The following ECPAS variants were observed in gnomAD, a reference collection of about 807,000 sequenced individuals.
ECPAS encodes the protein Ecm29 proteasome adaptor and scaffold.
Under a neutral mutation model 255.1 loss-of-function variants are expected in ECPAS, and 70 were observed. The observed-to-expected ratio is 0.27, with a 90% CI of 0.23 to 0.33. The LOEUF is 0.33. ECPAS is among the 10% of genes least tolerant of loss of function. The probability of loss-of-function intolerance (pLI) is 1.00; values close to 1 mark genes in which losing one functional copy is unlikely to be tolerated. For missense variants in ECPAS, 1,817 were observed against 2,206.4 expected (o/e 0.82, Z 3.54); for synonymous variants, 784 against 775.0 (o/e 1.01, Z -0.19).
chr9:111,478,252 G>C (rs892449355), intron 1 of ECPAS, among the ~76,000 whole-genome samples: 2 of 151,412 alleles, frequency 1.3e-5, no homozygotes, highest in Non-Finnish European at 2.9e-5. Flanking sequence ...AAATAGGCCG[G>C]ACACAGTGGC....
intron 6 of ECPAS, among the ~76,000 whole-genome samples, chr9:111,438,836 G>T (rs2098241826): frequency 6.6e-6 from 1 of 152,192 alleles, no homozygotes; most frequent in South Asian, 2.1e-4. Flanking sequence ...GGCAGGAGGA[G>T]AACAAATTTG....
At chr9:111,393,532 G>T in intron 27 of ECPAS, 148 bp downstream of exon 27, 2 of 601,936 alleles carry the variant, frequency 3.3e-6, no homozygotes, top group Non-Finnish European at 2.9e-6. Context: ...TTAACATAAT[G>T]CTTATCCTTA....
chr9:111,381,047 A>T (rs2098139955), intron 35 of ECPAS, among the ~76,000 whole-genome samples: 1 of 152,234 alleles, frequency 6.6e-6, no homozygotes, highest in African/African-American at 2.4e-5. Flanking sequence ...TAGCACTTTA[A>T]ACTTCGTTTA....
intron 2 of ECPAS, among the ~76,000 whole-genome samples, chr9:111,467,708 C>T (rs1237251611): frequency 1.3e-5 from 2 of 152,062 alleles, no homozygotes; most frequent in Non-Finnish European, 2.9e-5. Context: ...CTATAATAGA[C>T]GATTTCAGAA....
chr9:111,384,928 G>A (rs2098145792), intron 33 of ECPAS, among the ~76,000 whole-genome samples: 1 of 152,148 alleles, frequency 6.6e-6, no homozygotes, highest in South Asian at 2.1e-4. Context: ...TAAAACTGAA[G>A]TGCCTAATTT....
At position 111,366,703 on chromosome 9, in the gene ECPAS, G is replaced by T. The variant is rs575963646; in HGVS notation, c.5114-76C>A. 17 of 882,396 alleles carry T rather than the reference G, an allele frequency of 1.9e-5. No individual in the cohort carries two copies. In the South Asian group the frequency reaches 2.1e-4, roughly 11 times the overall value. 54.7% of individuals were successfully genotyped at this position (882,396 alleles called of 1,614,324 possible). A position where few individuals can be genotyped will look rare whatever the true frequency, so the allele number is the denominator to read the frequency against. ...AAGAGATGGAATAAATGAGGGACAG[G>T]CAGAGAGAGCAAGAGAAAGGAAGAG... On this transcript the variant is annotated intron_variant, in intron 46 of 49. Coordinates refer to ENST00000684092, the MANE Select transcript of ECPAS (RefSeq NM_001364929.1).
intron 2 of ECPAS, among the ~76,000 whole-genome samples, chr9:111,455,055 A>C (rs1201624894): frequency 6.6e-6 from 1 of 152,122 alleles, no homozygotes; most frequent in African/African-American, 2.4e-5. Context: ...GAGTATAGTT[A>C]AACTTACCAT....
At chr9:111,480,241 T>TTTGGATAATTC (rs2098302516) in intron 1 of ECPAS, among the ~76,000 whole-genome samples, 1 of 151,674 alleles carries the variant, frequency 6.6e-6, no homozygotes, top group Non-Finnish European at 1.5e-5. Context: ...ATAGAAAATA[T>TTTGGATAATTC]TTGGATAATT....
chr9:111,427,517 T>C (rs1318135452), intron 10 of ECPAS, among the ~76,000 whole-genome samples: 3 of 152,230 alleles, frequency 2.0e-5, no homozygotes, highest in Non-Finnish European at 4.4e-5. Flanking sequence ...TAAGTGTTCC[T>C]TACTGGAAAT....
intron 36 of ECPAS, among the ~76,000 whole-genome samples, chr9:111,378,257 A>G (rs915352834): frequency 6.6e-6 from 1 of 152,198 alleles, no homozygotes; most frequent in Non-Finnish European, 1.5e-5. Flanking sequence ...TCTAGGTGCA[A>G]ATACTCTTTG....
chr9:111,394,783 C>T (rs2098165253), intron 25 of ECPAS, among the ~76,000 whole-genome samples: 1 of 152,202 alleles, frequency 6.6e-6, no homozygotes, highest in African/African-American at 2.4e-5. Flanking sequence ...CCTGTGCCTT[C>T]ACCCACTAGA....
intron 7 of ECPAS, among the ~76,000 whole-genome samples, chr9:111,435,846 A>ATTTT (rs201323788): frequency 5.5e-5 from 7 of 127,528 alleles, no homozygotes; most frequent in African/African-American, 2.0e-4. Context: ...CGCCCAGCTA[A>ATTTT]TTTTTTTTTT....
At chr9:111,449,731 T>G (rs965220800) in intron 3 of ECPAS, among the ~76,000 whole-genome samples, 1 of 152,156 alleles carries the variant, frequency 6.6e-6, no homozygotes, top group African/African-American at 2.4e-5. Flanking sequence ...CTACTCCAAG[T>G]CTTTCTCCAG....
At chr9:111,435,573 T>C (rs2098236767) in intron 7 of ECPAS, among the ~76,000 whole-genome samples, 1 of 152,180 alleles carries the variant, frequency 6.6e-6, no homozygotes, top group African/African-American at 2.4e-5. Context: ...ACAATTTCTA[T>C]ACCTTACTGG....
intron 31 of ECPAS, among the ~76,000 whole-genome samples, chr9:111,389,236 G>A (rs981333101): frequency 1.3e-5 from 2 of 152,128 alleles, no homozygotes; most frequent in African/African-American, 4.8e-5. Context: ...ATTGGAGATG[G>A]GACTATGACC....
rs777920348 is a variant in ECPAS, at chr9:111,376,544, AAAG to A, written c.3955-6_3955-4del. The A allele has an allele frequency of 6.4e-5, 102 of 1,590,716 alleles. No homozygotes were observed. The highest frequency in any genetic ancestry group is 8.1e-5 in the Non-Finnish European group (95 of 1,167,804). On this transcript the variant is annotated splice_region_variant and splice_polypyrimidine_tract_variant and intron_variant, in intron 36 of 49. Coordinates refer to ENST00000684092, the MANE Select transcript of ECPAS (RefSeq NM_001364929.1). ...AGCCGAGCACTATCCATCGCAGCCT[AAAG>A]AAGAGAAATTAAAGTCACCCGGCAC...
At chr9:111,397,716 T>A (rs1473658496) in intron 24 of ECPAS, among the ~76,000 whole-genome samples, 1 of 152,202 alleles carries the variant, frequency 6.6e-6, no homozygotes, top group Non-Finnish European at 1.5e-5. Context: ...AACAATTATT[T>A]AACTCTTTGC....
At chr9:111,376,997 T>A (rs1335781734) in intron 36 of ECPAS, among the ~76,000 whole-genome samples, 1 of 152,180 alleles carries the variant, frequency 6.6e-6, no homozygotes, top group African/African-American at 2.4e-5. Flanking sequence ...GTTAACACTA[T>A]CCAGATATGA....
At chr9:111,408,805 A>C (rs988230855) in intron 23 of ECPAS, 133 bp from the exon 24 acceptor site, 37 of 491,162 alleles carry the variant, frequency 7.5e-5, no homozygotes, top group Non-Finnish European at 1.1e-4. Flanking sequence ...TTACAAAAGC[A>C]TCAAATTTTA....
Sources: gnomAD v4.1 joint callset for allele counts (sites outside exome capture counted in the v4.1 genomes callset) on GRCh38, gnomAD v4.1.1 for gene constraint, MANE v1.5 for transcripts, NCBI Gene and HGNC (gene_info 2026-07-23, HGNC 2026-07-21) for gene names.